Variants in FAM168A observed in about 807,000 individuals in gnomAD.
The protein encoded by FAM168A is family with sequence similarity 168 member A.
A neutral mutation model predicts 28.5 loss-of-function variants in FAM168A; 3 were observed. The ratio of observed to expected loss-of-function variants is 0.11; its 90% CI spans 0.05 to 0.27. The LOEUF is 0.27. Among genes scored for constraint, FAM168A ranks in the 10% least tolerant of loss-of-function variants. FAM168A has a pLI of 1.00. For missense variants in FAM168A, 222 were observed against 311.5 expected (o/e 0.71, Z 2.16); for synonymous variants, 122 against 124.2 (o/e 0.98, Z 0.12).
At position 73,439,973 on chromosome 11, in the gene FAM168A, C is replaced by T. The variant is rs1867164635; in HGVS notation, c.71-9203G>A. Among the ~76,000 whole-genome samples, 3 of 147,756 alleles carry T rather than the reference C, an allele frequency of 2.0e-5. No homozygotes were observed. In the Admixed American group the frequency reaches 2.1e-4, roughly 10 times the overall value. ...TGATCTCTGCTCACTGCAACCTCTG[C>T]CTCCCAGGTTCAAGTGATTCTCCTG... On this transcript the variant is annotated intron_variant, in intron 2 of 7. Transcript: ENST00000356467.
intron 3 of FAM168A, among the ~76,000 whole-genome samples, chr11:73,423,522 A>T (rs748563714): frequency 1.3e-5 from 2 of 152,124 alleles, no homozygotes; most frequent in Non-Finnish European, 2.9e-5. Flanking sequence ...ACTGCTTATC[A>T]TTCCCAGAAT....
chr11:73,567,631 A>C (rs1310657532), intron 1 of FAM168A, among the ~76,000 whole-genome samples: 2 of 152,208 alleles, frequency 1.3e-5, no homozygotes, highest in Admixed American at 1.3e-4. Flanking sequence ...ACCGAGTTGG[A>C]AACTACATTT....
chr11:73,505,153 T>C (rs986737996), intron 1 of FAM168A, among the ~76,000 whole-genome samples: 2 of 151,648 alleles, frequency 1.3e-5, no homozygotes, highest in Admixed American at 6.6e-5. Context: ...AAAGAAATAT[T>C]ATGCATACAC....
At chr11:73,586,282 A>G (rs1375150541) in intron 1 of FAM168A, among the ~76,000 whole-genome samples, 1 of 152,134 alleles carries the variant, frequency 6.6e-6, no homozygotes, top group Non-Finnish European at 1.5e-5. Context: ...TACACATAAA[A>G]TAATTATGAC....
chr11:73,535,974 T>C (rs112956569), intron 1 of FAM168A, among the ~76,000 whole-genome samples: 4 of 151,672 alleles, frequency 2.6e-5, no homozygotes, highest in African/African-American at 2.4e-5. Flanking sequence ...GCCTACTGAG[T>C]AGCTGGGACT....
chr11:73,594,266 A>ATT (rs749019478), intron 1 of FAM168A, among the ~76,000 whole-genome samples: 13 of 142,800 alleles, frequency 9.1e-5, no homozygotes, highest in Non-Finnish European at 1.1e-4. Flanking sequence ...CACCCAGCAA[A>ATT]TTTTTTTTTT....
chr11:73,465,568 G>A (rs1867722210), intron 2 of FAM168A, among the ~76,000 whole-genome samples: 1 of 76,896 alleles, frequency 1.3e-5, no homozygotes, highest in Admixed American at 1.1e-4. Context: ...CCAAGATTAG[G>A]GTGCCAGCAT....
chr11:73,425,012 G>T (rs982074550), intron 3 of FAM168A: 2 of 1,526,060 alleles, frequency 1.3e-6, no homozygotes, highest in Admixed American at 4.1e-5. Context: ...AGGAAAAATA[G>T]CTTTCCTACC....
chr11:73,516,557 C>A (rs1214366492), intron 1 of FAM168A, among the ~76,000 whole-genome samples: 1 of 152,212 alleles, frequency 6.6e-6, no homozygotes, highest in Non-Finnish European at 1.5e-5. Flanking sequence ...AATAATTATA[C>A]TTCAAACTAA....
intron 1 of FAM168A, among the ~76,000 whole-genome samples, chr11:73,506,273 T>A (rs996796477): frequency 6.6e-6 from 1 of 152,080 alleles, no homozygotes; most frequent in Non-Finnish European, 1.5e-5. Context: ...GGATCAAAAG[T>A]GAGGTTCAAC....
At chr11:73,545,081 AGC>A (rs1943728195) in intron 1 of FAM168A, among the ~76,000 whole-genome samples, 1 of 128,632 alleles carries the variant, frequency 7.8e-6, no homozygotes, top group African/African-American at 3.2e-5. Flanking sequence ...GCTGGAGTGC[AGC>A]GCCACAATCT....
chr11:73,428,395 G>A (rs1220492797), intron 3 of FAM168A, among the ~76,000 whole-genome samples: 1 of 152,118 alleles, frequency 6.6e-6, no homozygotes, highest in African/African-American at 2.4e-5. Context: ...GGCTATATAT[G>A]CTAAATCTAC....
intron 4 of FAM168A, among the ~76,000 whole-genome samples, chr11:73,417,848 C>T (rs1006964629): frequency 3.9e-5 from 6 of 152,108 alleles, no homozygotes; most frequent in Non-Finnish European, 5.9e-5. Context: ...TGTGAGCCAC[C>T]GCGCCTGGCC....
At chr11:73,451,367 T>G (rs1867426172) in intron 2 of FAM168A, among the ~76,000 whole-genome samples, 1 of 152,246 alleles carries the variant, frequency 6.6e-6, no homozygotes, top group Admixed American at 6.5e-5. Flanking sequence ...TTTATGGACC[T>G]CTGAAAAGGC....
Position 73,417,685 on chromosome 11 carries a change from G to A in FAM168A, c.277+2189C>T, listed in dbSNP as rs560872768. Among the ~76,000 whole-genome samples, 242 of 150,674 alleles carry A rather than the reference G, an allele frequency of 1.6e-3. 1 individual carries two copies. The highest frequency in any genetic ancestry group is 5.4e-3 in the African/African-American group (223 of 40,970). ...CACCATTCTCCTGCCTCAGCCTCCC[G>A]AGTAGCTGGGACTACAGGCACCCGC... On this transcript the variant is annotated intron_variant, in intron 4 of 7. Coordinates refer to ENST00000356467, the MANE Select transcript of FAM168A (RefSeq NM_015159.3).
At chr11:73,560,967 TG>T (rs1247286927) in intron 1 of FAM168A, among the ~76,000 whole-genome samples, 2 of 146,366 alleles carry the variant, frequency 1.4e-5, no homozygotes, top group African/African-American at 5.2e-5. Context: ...AGGCCGAGGC[TG>T]GGAGAACTGC....
chr11:73,583,481 C>G (rs1565308332), intron 1 of FAM168A, among the ~76,000 whole-genome samples: 2 of 152,192 alleles, frequency 1.3e-5, no homozygotes, highest in African/African-American at 4.8e-5. Context: ...AAAGGATGAT[C>G]AGATACAACT....
At chr11:73,521,046 G>T (rs750989890) in intron 1 of FAM168A, among the ~76,000 whole-genome samples, 1 of 152,118 alleles carries the variant, frequency 6.6e-6, no homozygotes, top group Non-Finnish European at 1.5e-5. Flanking sequence ...GGTTCCAAGT[G>T]ATAAATGAGC....
At chr11:73,437,109 T>C (rs1867102286) in intron 2 of FAM168A, among the ~76,000 whole-genome samples, 2 of 151,988 alleles carry the variant, frequency 1.3e-5, no homozygotes, top group South Asian at 2.1e-4. Context: ...TACTTTTTTT[T>C]TTTTTCCAAG....
Sources: gnomAD v4.1 joint callset for allele counts (sites outside exome capture counted in the v4.1 genomes callset) on GRCh38, gnomAD v4.1.1 for gene constraint, MANE v1.5 for transcripts, NCBI Gene and HGNC (gene_info 2026-07-23, HGNC 2026-07-21) for gene names.